SLCO1A2: variants seen among roughly 807,000 people sequenced by gnomAD.
SLCO1A2 encodes solute carrier organic anion transporter family member 1A2.
In SLCO1A2, 67 loss-of-function variants were observed where a neutral mutation model predicts 69.0. The observed-to-expected ratio is 0.97, with a 90% CI of 0.80 to 1.19. SLCO1A2 has a LOEUF of 1.19. Among genes scored for constraint, SLCO1A2 ranks in the 50% most tolerant of loss-of-function variants. The probability of loss-of-function intolerance (pLI) is 0.00; values close to 1 mark genes in which losing one functional copy is unlikely to be tolerated. For synonymous variants in SLCO1A2, 260 were observed against 265.9 expected, an observed-to-expected ratio of 0.98 and a Z score of 0.22; for missense variants, 787 against 793.7, an observed-to-expected ratio of 0.99 and a Z score of 0.10.
intron 2 of SLCO1A2, among the ~76,000 whole-genome samples, chr12:21,356,464 C>T (rs570196252): frequency 5.3e-5 from 8 of 150,308 alleles, no homozygotes; most frequent in Non-Finnish European, 8.9e-5. Flanking sequence ...AATAGAAGAA[C>T]GGGCACAGTG....
At chr12:21,342,071 T>C (rs1953088562) in intron 2 of SLCO1A2, among the ~76,000 whole-genome samples, 1 of 152,060 alleles carries the variant, frequency 6.6e-6, no homozygotes, top group Admixed American at 6.6e-5. Flanking sequence ...TGATCTATAT[T>C]TGTGGTTATA....
intron 2 of SLCO1A2, among the ~76,000 whole-genome samples, chr12:21,360,311 A>G (rs1430262401): frequency 6.6e-6 from 1 of 152,262 alleles, no homozygotes; most frequent in African/African-American, 2.4e-5. Context: ...AGTTTATTGA[A>G]TTTTGATAAT....
intron 2 of SLCO1A2, among the ~76,000 whole-genome samples, chr12:21,328,076 G>T (rs1952371949): frequency 6.6e-6 from 1 of 152,124 alleles, no homozygotes; most frequent in African/African-American, 2.4e-5. Context: ...TTTATAAAAG[G>T]CAGTTCCCCT....
chr12:21,327,314 G>T (rs535669471), intron 2 of SLCO1A2, among the ~76,000 whole-genome samples: 2 of 152,338 alleles, frequency 1.3e-5, no homozygotes, highest in South Asian at 4.1e-4. Context: ...CTCTGCTAGG[G>T]CAGTGTGGAA....
upstream of SLCO1A2, among the ~76,000 whole-genome samples, chr12:21,396,254 C>T (rs1354951761): frequency 6.6e-6 from 1 of 151,054 alleles, no homozygotes; most frequent in Admixed American, 6.6e-5. Context: ...ATGCGATCAA[C>T]TGGAAGAAAC....
At chr12:21,275,954 T>A (rs1196420616) in intron 12 of SLCO1A2, among the ~76,000 whole-genome samples, 4 of 151,584 alleles carry the variant, frequency 2.6e-5, no homozygotes, top group South Asian at 2.1e-4. Context: ...AAAAAAAAAA[T>A]TGTTTTTAAT....
chr12:21,267,937 C>T lies in SLCO1A2; in HGVS notation c.*1611G>A, dbSNP rs1942251240. 2.6e-5 allele frequency: 4 copies of T among 151,968 alleles called. No individual in the cohort carries two copies. The highest frequency in any genetic ancestry group is 2.6e-4 in the Admixed American group (4 of 15,216). The allele number at this position is 151,968 out of a possible 1,614,324, so 9.4% of individuals were successfully genotyped here. On this transcript the variant is annotated 3_prime_UTR_variant, in exon 15 of 15. Transcript: ENST00000683939. ...CTCCCCCTTTCCAATGATTTTAGTTCCTCTCTCTTGTTTCAAAGCCAGTCT... is the reference window on the plus strand; with the variant it reads ...CTCCCCCTTTCCAATGATTTTAGTTTCTCTCTCTTGTTTCAAAGCCAGTCT...
At chr12:21,324,684 A>G (rs1249972042) in intron 2 of SLCO1A2, 2 of 152,212 alleles carry the variant, frequency 1.3e-5, no homozygotes, top group Non-Finnish European at 2.9e-5. Context: ...AAATAATTTA[A>G]AAGAAAAAGA....
chr12:21,284,223 G>C (rs762040650), intron 12 of SLCO1A2, among the ~76,000 whole-genome samples: 8 of 152,132 alleles, frequency 5.3e-5, no homozygotes, highest in Non-Finnish European at 7.3e-5. Context: ...ACAGGATGGA[G>C]TAATATTCAG....
At chr12:21,288,594 T>C (rs1047116032) in intron 12 of SLCO1A2, among the ~76,000 whole-genome samples, 1 of 152,152 alleles carries the variant, frequency 6.6e-6, no homozygotes, top group African/African-American at 2.4e-5. Flanking sequence ...AAACCTACTA[T>C]TTGATAGTGT....
At chr12:21,418,782 GAAGT>G (rs976280392), upstream of SLCO1A2, among the ~76,000 whole-genome samples, 8 of 152,130 alleles carry the variant, frequency 5.3e-5, no homozygotes, top group African/African-American at 1.9e-4. Flanking sequence ...CAAACTTAAA[GAAGT>G]AAGGGGGTTT....
chr12:21,348,737 T>C (rs56279168), intron 2 of SLCO1A2, among the ~76,000 whole-genome samples: 12,226 of 152,214 alleles, frequency 0.08, 576 homozygotes, highest in Middle Eastern at 0.14. Flanking sequence ...TTAAATTTAA[T>C]ATCTATTCAA....
chr12:21,394,317 A>G (rs192062534), intron 1 of SLCO1A2, among the ~76,000 whole-genome samples: 1 of 152,180 alleles, frequency 6.6e-6, no homozygotes, highest in Non-Finnish European at 1.5e-5. Flanking sequence ...AGATTATTTA[A>G]GTCCAGGAGT....
intron 1 of SLCO1A2, among the ~76,000 whole-genome samples, chr12:21,393,693 C>G (rs7316461): frequency 0.63 from 96,142 of 151,922 alleles, 30,496 homozygotes; most frequent in Middle Eastern, 0.76. Flanking sequence ...GATACGGTTA[C>G]TAATCCTTTT....
At chr12:21,396,110 A>C (rs1941446093), upstream of SLCO1A2, among the ~76,000 whole-genome samples, 1 of 151,998 alleles carries the variant, frequency 6.6e-6, no homozygotes, top group Non-Finnish European at 1.5e-5. Context: ...AAGGCAAAGA[A>C]GTTGAAAACT....
intron 4 of SLCO1A2, among the ~76,000 whole-genome samples, chr12:21,310,018 C>T (rs1200831817): frequency 6.6e-6 from 1 of 151,810 alleles, no homozygotes; most frequent in East Asian, 1.9e-4. Flanking sequence ...TATGATATAA[C>T]GAGGTAATTA....
chr12:21,330,267 CAG>C (rs1432039135), intron 2 of SLCO1A2, among the ~76,000 whole-genome samples: 12 of 152,160 alleles, frequency 7.9e-5, no homozygotes, highest in Admixed American at 7.9e-4. Context: ...CTAAGGCAGA[CAG>C]ATCATTTTAG....
chr12:21,387,543 G>A (rs1465099047), intron 1 of SLCO1A2, among the ~76,000 whole-genome samples: 2 of 152,170 alleles, frequency 1.3e-5, no homozygotes, highest in African/African-American at 4.8e-5. Context: ...CTTCCGTATG[G>A]TATTGACCCT....
chr12:21,409,485 T>C (rs1941873365), intron 1 of SLCO1A2, among the ~76,000 whole-genome samples: 1 of 152,154 alleles, frequency 6.6e-6, no homozygotes, highest in African/African-American at 2.4e-5. Flanking sequence ...TTTGAAACAG[T>C]GATATTACAT....
Sources: gnomAD v4.1 joint callset for allele counts (sites outside exome capture counted in the v4.1 genomes callset) on GRCh38, gnomAD v4.1.1 for gene constraint, MANE v1.5 for transcripts, NCBI Gene and HGNC (gene_info 2026-07-23, HGNC 2026-07-21) for gene names.